The following TBC1D31 variants were observed in gnomAD, a reference collection of about 807,000 sequenced individuals.
TBC1D31 encodes the protein TBC1 domain family member 31, also known as WD repeat domain 67.
A neutral mutation model predicts 132.9 loss-of-function variants in TBC1D31; 99 were observed. The ratio of observed to expected loss-of-function variants is 0.74; its 90% CI spans 0.63 to 0.88. The LOEUF (loss-of-function observed/expected upper bound fraction) is 0.88. TBC1D31 is among the 40% of genes least tolerant of loss of function. TBC1D31 has a pLI of 0.00. For synonymous variants in TBC1D31, 385 were observed against 419.4 expected (o/e 0.92, Z 1.00); for missense variants, 1,134 against 1,256.6 (o/e 0.90, Z 1.48).
At chr8:123,148,097 A>G (rs1822406891) in intron 20 of TBC1D31, among the ~76,000 whole-genome samples, 1 of 151,868 alleles carries the variant, frequency 6.6e-6, no homozygotes, top group South Asian at 2.1e-4. Flanking sequence ...ACTGCACTCC[A>G]GCCTGGGCGA....
intron 17 of TBC1D31, among the ~76,000 whole-genome samples, chr8:123,139,573 A>C (rs149153977): frequency 1.5e-3 from 229 of 152,232 alleles, no homozygotes; most frequent in African/African-American, 5.3e-3. Context: ...TCACTCAGCT[A>C]GGCAGTTTAT....
chr8:123,076,985 C>T (rs1586537682), intron 1 of TBC1D31, 126 bp from the exon 2 acceptor site: 7 of 806,374 alleles, frequency 8.7e-6, no homozygotes, highest in East Asian at 2.8e-5. Context: ...TCTAGAGGAG[C>T]GGGGGTATAG....
Position 123,142,444 on chromosome 8 carries a change from G to A in TBC1D31, c.2823G>A (p.Glu941=). Residue 941 remains glutamate, a synonymous_variant, in exon 19 of 22, where the codon GAG becomes GAA. Transcript: ENST00000287380. ...EIEIINAMVE[E]EAKKWKEAEG... Reference sequence around the variant, plus strand: ...AGATAATAAATGCAATGGTGGAGGAGGAAGCCAAGAAGGTAAAAAATAGTG... The same window carrying A: ...AGATAATAAATGCAATGGTGGAGGAAGAAGCCAAGAAGGTAAAAAATAGTG... 3.2e-6 allele frequency: 5 copies of A among 1,565,844 alleles called. No homozygotes were observed. The highest frequency in any genetic ancestry group is 2.0e-5 in the Admixed American group (1 of 50,072).
At chr8:123,136,462 A>T (rs1475130805) in intron 17 of TBC1D31, among the ~76,000 whole-genome samples, 1 of 152,122 alleles carries the variant, frequency 6.6e-6, no homozygotes, top group Non-Finnish European at 1.5e-5. Flanking sequence ...AACAGAAGTT[A>T]TGTTTTGAGA....
At position 123,072,777 on chromosome 8, in the gene TBC1D31, G is replaced by A. The variant is rs1003378447; in HGVS notation, c.8G>A (p.Ser3Asn). 7 of 1,566,998 alleles carry A rather than the reference G, an allele frequency of 4.5e-6. No individual in the cohort carries two copies. The highest frequency in any genetic ancestry group is 6.1e-6 in the Non-Finnish European group (7 of 1,156,286). Residue 3 changes from serine to asparagine, a missense_variant, in exon 1 of 22, where the codon AGC becomes AAC. Ser to Asn is a conservative substitution (Grantham distance 46, BLOSUM62 1). Coordinates refer to ENST00000287380, the MANE Select transcript of TBC1D31 (RefSeq NM_145647.4). ...TCGTGGGCAAGCTTCGCCATGCAGA[G>A]CACTGACCTAGGCAACAAGGAGAGC... is the stretch of plus-strand genomic sequence containing the variant. MQ[S>N]TDLGNKESGK... is the part of the protein sequence containing the mutation.
intron 17 of TBC1D31, among the ~76,000 whole-genome samples, chr8:123,137,300 T>C (rs776316776): frequency 1.3e-5 from 2 of 152,206 alleles, no homozygotes; most frequent in Non-Finnish European, 2.9e-5. Flanking sequence ...GCTATAAAGA[T>C]TAAATGAGTT....
intron 7 of TBC1D31, chr8:123,102,490 G>A: frequency 1.4e-5 from 4 of 293,448 alleles, no homozygotes; most frequent in South Asian, 1.2e-4. Context: ...ACAAATCACT[G>A]AAAGTCTCAC....
At chr8:123,100,302 T>C (rs1270631518) in intron 6 of TBC1D31, among the ~76,000 whole-genome samples, 2 of 152,100 alleles carry the variant, frequency 1.3e-5, no homozygotes, top group Non-Finnish European at 2.9e-5. Flanking sequence ...CCAGGTGCAG[T>C]GGCTCATGCC....
At chr8:123,082,888 A>G in intron 3 of TBC1D31, 71 bp downstream of exon 3, 1 of 1,060,550 alleles carries the variant, frequency 9.4e-7, no homozygotes, top group Non-Finnish European at 1.4e-6. Flanking sequence ...GAACTTTATC[A>G]CTCTGTACAG....
intron 11 of TBC1D31, among the ~76,000 whole-genome samples, chr8:123,123,909 G>T (rs1819748403): frequency 6.6e-6 from 1 of 151,918 alleles, no homozygotes; most frequent in Admixed American, 6.6e-5. Flanking sequence ...TACACTATGG[G>T]GATTATAAAT....
intron 17 of TBC1D31, among the ~76,000 whole-genome samples, chr8:123,137,544 T>C (rs940927680): frequency 1.3e-5 from 2 of 152,212 alleles, no homozygotes; most frequent in African/African-American, 4.8e-5. Flanking sequence ...AGCATTTAAT[T>C]TCCTGCAAAG....
intron 8 of TBC1D31, among the ~76,000 whole-genome samples, chr8:123,108,936 A>T (rs116981732): frequency 0.051 from 7,750 of 152,262 alleles, 290 homozygotes; most frequent in Non-Finnish European, 0.076. Flanking sequence ...GAGAACTATC[A>T]TGAGAACAGC....
chr8:123,119,699 C>T (rs1819287950), intron 10 of TBC1D31, among the ~76,000 whole-genome samples: 1 of 151,880 alleles, frequency 6.6e-6, no homozygotes, highest in African/African-American at 2.4e-5. Context: ...GGTGACAGAG[C>T]AAGGCCCTGT....
At chr8:123,080,840 C>T (rs1815081631) in intron 2 of TBC1D31, among the ~76,000 whole-genome samples, 1 of 152,056 alleles carries the variant, frequency 6.6e-6, no homozygotes, top group Non-Finnish European at 1.5e-5. Flanking sequence ...TGGCTGAGAG[C>T]TTTTCTTATA....
intron 10 of TBC1D31, 124 bp from the exon 11 acceptor site, chr8:123,119,931 G>A: frequency 1.4e-6 from 1 of 733,172 alleles, no homozygotes; most frequent in Non-Finnish European, 2.1e-6. Flanking sequence ...TTCTGGAGAG[G>A]TGAACTAGAT....
At chr8:123,150,162 AT>A in intron 21 of TBC1D31, 34 bp downstream of exon 21, 1 of 1,540,084 alleles carries the variant, frequency 6.5e-7, no homozygotes, top group South Asian at 1.1e-5. Flanking sequence ...TTATTCTGCC[AT>A]TTTAAATTTC....
At chr8:123,148,965 T>A (rs1822517396) in intron 20 of TBC1D31, among the ~76,000 whole-genome samples, 1 of 152,058 alleles carries the variant, frequency 6.6e-6, no homozygotes, top group Non-Finnish European at 1.5e-5. Flanking sequence ...GAGAATCGCT[T>A]GAACCCAGGA....
intron 10 of TBC1D31, among the ~76,000 whole-genome samples, chr8:123,112,937 C>T (rs922136939): frequency 1.3e-5 from 2 of 152,096 alleles, no homozygotes; most frequent in African/African-American, 4.8e-5. Context: ...TGTAGACTGT[C>T]AGTGCCTTGC....
downstream of TBC1D31, among the ~76,000 whole-genome samples, chr8:123,155,529 A>G (rs191237770): frequency 1.3e-5 from 2 of 152,292 alleles, no homozygotes; most frequent in East Asian, 3.9e-4. The surrounding 1 kb of genome is among the most constrained non-coding windows in gnomAD (Gnocchi z 4.1). Flanking sequence ...GCAGCCTACT[A>G]AAATGTTGCT....
Sources: gnomAD v4.1 joint callset for allele counts (sites outside exome capture counted in the v4.1 genomes callset) on GRCh38, gnomAD v4.1.1 for gene constraint, Gnocchi (gnomAD v3.1) non-coding constraint, MANE v1.5 for transcripts, NCBI Gene and HGNC (gene_info 2026-07-23, HGNC 2026-07-21) for gene names.